Variants in ZHX2 observed in about 807,000 individuals in gnomAD.
The protein encoded by ZHX2 is zinc fingers and homeoboxes 2.
A neutral mutation model predicts 21.9 loss-of-function variants in ZHX2; 6 were observed. The ratio of observed to expected loss-of-function variants is 0.27; its 90% CI spans 0.15 to 0.54. ZHX2 has a LOEUF of 0.54. Ranked by LOEUF, ZHX2 falls within the 20% of genes least tolerant of loss-of-function variation. The pLI is 0.95. For missense variants in ZHX2, 908 were observed against 1,090.7 expected (o/e 0.83, Z 2.36); for synonymous variants, 434 against 437.1 (o/e 0.99, Z 0.09).
intron 1 of ZHX2, among the ~76,000 whole-genome samples, chr8:122,833,041 A>C (rs1818413760): frequency 6.6e-6 from 1 of 152,182 alleles, no homozygotes. Flanking sequence ...GGTAGTACAC[A>C]CCAGGTGAGC....
chr8:122,804,006 AC>A (rs1376788768), intron 1 of ZHX2, among the ~76,000 whole-genome samples: 10 of 152,236 alleles, frequency 6.6e-5, no homozygotes, highest in Admixed American at 2.0e-4. Flanking sequence ...AGGACTCAGT[AC>A]TATAAGATTC....
intron 2 of ZHX2, among the ~76,000 whole-genome samples, chr8:122,870,522 C>T (rs568772865): frequency 3.3e-4 from 50 of 150,754 alleles, no homozygotes; most frequent in African/African-American, 1.2e-3. Context: ...GCCTGTAATC[C>T]CAGCTACTTG....
At chr8:122,801,978 G>A (rs1236175539) in intron 1 of ZHX2, among the ~76,000 whole-genome samples, 1 of 152,098 alleles carries the variant, frequency 6.6e-6, no homozygotes, top group Non-Finnish European at 1.5e-5. Context: ...AGCCACCCAC[G>A]GCTGCTGACT....
intron 2 of ZHX2, among the ~76,000 whole-genome samples, chr8:122,927,472 G>A (rs1393294045): frequency 2.6e-5 from 4 of 152,164 alleles, no homozygotes; most frequent in Admixed American, 6.5e-5. Flanking sequence ...TCCAGCCTGG[G>A]CAACAGAGTG....
At chr8:122,946,663 T>C (rs1023169191) in intron 2 of ZHX2, among the ~76,000 whole-genome samples, 10 of 152,134 alleles carry the variant, frequency 6.6e-5, no homozygotes, top group Non-Finnish European at 1.3e-4. Flanking sequence ...TGATGTCTTT[T>C]TTCTGCAGGA....
chr8:122,895,980 C>G (rs571095171), intron 2 of ZHX2, among the ~76,000 whole-genome samples: 47 of 152,218 alleles, frequency 3.1e-4, no homozygotes, highest in African/African-American at 1.1e-3. Context: ...ATTAGGATTA[C>G]CATTATTGTT....
chr8:122,960,196 G>A (rs1813408716), intron 3 of ZHX2, among the ~76,000 whole-genome samples: 1 of 152,086 alleles, frequency 6.6e-6, no homozygotes. Flanking sequence ...TAGAATATGG[G>A]AATTTGAGGG....
chr8:122,918,372 G>T (rs1192682705), intron 2 of ZHX2, among the ~76,000 whole-genome samples: 2 of 152,286 alleles, frequency 1.3e-5, no homozygotes, highest in Middle Eastern at 3.4e-3. Flanking sequence ...AAGCTGTTTT[G>T]CTTCCCAGAA....
At chr8:122,890,357 A>C (rs1391473326) in intron 2 of ZHX2, among the ~76,000 whole-genome samples, 1 of 152,156 alleles carries the variant, frequency 6.6e-6, no homozygotes, top group African/African-American at 2.4e-5. Flanking sequence ...TTTGTTAACT[A>C]TAGCTTTGTG....
At chr8:122,861,085 A>G (rs1264111920) in intron 1 of ZHX2, among the ~76,000 whole-genome samples, 3 of 150,476 alleles carry the variant, frequency 2.0e-5, no homozygotes, top group Non-Finnish European at 3.0e-5. Context: ...GTGGTCTAAC[A>G]TGGCCTTTGC....
chr8:122,908,865 C>A (rs1167116279), intron 2 of ZHX2, among the ~76,000 whole-genome samples: 1 of 152,216 alleles, frequency 6.6e-6, no homozygotes, highest in Admixed American at 6.5e-5. Flanking sequence ...GCTCTGAGCA[C>A]ACTTCCCAGG....
At chr8:122,788,431 G>T (rs181659008) in intron 1 of ZHX2, among the ~76,000 whole-genome samples, 3 of 152,182 alleles carry the variant, frequency 2.0e-5, no homozygotes, top group African/African-American at 7.2e-5. Flanking sequence ...ACTGGGCGTG[G>T]TGACACACAC....
At position 122,828,824 on chromosome 8, in the gene ZHX2, C is replaced by T. The variant is rs1818313905; in HGVS notation, c.-282-34653C>T. On this transcript the variant is annotated intron_variant, in intron 1 of 3. Coordinates refer to ENST00000314393, the MANE Select transcript of ZHX2 (RefSeq NM_014943.5). This position sits in a 1 kb window ranked among gnomAD's most constrained non-coding sequence, Gnocchi z 5.2. ...AAATGAAGTACAACCGGTTTGGGCT[C>T]TACCCAGGGTGTTGTAGGTTTTTAT... Among the ~76,000 whole-genome samples, 1 of 152,200 alleles carries T rather than the reference C, an allele frequency of 6.6e-6. No individual in the cohort carries two copies. Among genetic ancestry groups the T allele is most frequent in the Non-Finnish European group, 1.5e-5 (1 of 68,042 alleles).
chr8:122,853,117 G>A (rs998401129), intron 1 of ZHX2, among the ~76,000 whole-genome samples: 1 of 152,060 alleles, frequency 6.6e-6, no homozygotes, highest in East Asian at 1.9e-4. Flanking sequence ...CTATCCCAGG[G>A]TTTTTTTGTA....
chr8:122,803,722 G>C (rs889650467), intron 1 of ZHX2, among the ~76,000 whole-genome samples: 6 of 152,198 alleles, frequency 3.9e-5, no homozygotes, highest in Non-Finnish European at 7.3e-5. Context: ...TCTCTGAAAT[G>C]GTCGTGTTTT....
intron 1 of ZHX2, among the ~76,000 whole-genome samples, chr8:122,783,581 C>T (rs182968834): frequency 6.6e-6 from 1 of 152,250 alleles, no homozygotes; most frequent in Non-Finnish European, 1.5e-5. Context: ...GAGAGCTCTT[C>T]AAGATTTGAG....
chr8:122,865,848 T>G (rs1819280495), intron 2 of ZHX2, among the ~76,000 whole-genome samples: 1 of 151,748 alleles, frequency 6.6e-6, no homozygotes, highest in Non-Finnish European at 1.5e-5. Context: ...GGGCTGGGAG[T>G]CAGAAGCCCT....
At chr8:122,915,759 G>T (rs1317713116) in intron 2 of ZHX2, among the ~76,000 whole-genome samples, 1 of 152,180 alleles carries the variant, frequency 6.6e-6, no homozygotes, top group Non-Finnish European at 1.5e-5. Context: ...GCTCATTTCT[G>T]GTGGAGTCTT....
At chr8:122,839,207 A>C (rs1439045319) in intron 1 of ZHX2, among the ~76,000 whole-genome samples, 1 of 150,748 alleles carries the variant, frequency 6.6e-6, no homozygotes, top group Non-Finnish European at 1.5e-5. Context: ...GCCCATCCGC[A>C]CTCCATTCAG....
Sources: gnomAD v4.1 joint callset for allele counts (sites outside exome capture counted in the v4.1 genomes callset) on GRCh38, gnomAD v4.1.1 for gene constraint, Gnocchi (gnomAD v3.1) non-coding constraint, MANE v1.5 for transcripts, NCBI Gene and HGNC (gene_info 2026-07-23, HGNC 2026-07-21) for gene names.